EYS: variants seen among roughly 807,000 people sequenced by gnomAD.
EYS encodes the protein protein eyes shut homolog.
Under a neutral mutation model 282.1 loss-of-function variants are expected in EYS, and 250 were observed. That is an observed-to-expected ratio of 0.89 (90% CI 0.80 to 0.98). The LOEUF (loss-of-function observed/expected upper bound fraction) is 0.98. EYS is among the 50% of genes least tolerant of loss of function. The probability of loss-of-function intolerance (pLI) is 0.00; values close to 1 mark genes in which losing one functional copy is unlikely to be tolerated. For synonymous variants in EYS, 1,355 were observed against 1,282.9 expected, an observed-to-expected ratio of 1.06 and a Z score of -1.20; for missense variants, 4,016 against 3,709.0, an observed-to-expected ratio of 1.08 and a Z score of -2.15.
chr6:63,757,740 G>A (rs947736301), intron 41 of EYS, among the ~76,000 whole-genome samples: 5 of 152,150 alleles, frequency 3.3e-5, no homozygotes, highest in Non-Finnish European at 5.9e-5. Context: ...AAGAACCTAC[G>A]TTGAAATATT....
intron 26 of EYS, among the ~76,000 whole-genome samples, chr6:64,521,023 C>T (rs1777717849): frequency 6.6e-6 from 1 of 151,766 alleles, no homozygotes. Context: ...GACCCTCATC[C>T]AGCAATGCGG....
chr6:64,278,619 G>T (rs769187776), intron 30 of EYS, among the ~76,000 whole-genome samples: 7 of 151,858 alleles, frequency 4.6e-5, no homozygotes, highest in Non-Finnish European at 8.8e-5. Flanking sequence ...TGATAATTTG[G>T]GATACCAAAA....
intron 2 of EYS, among the ~76,000 whole-genome samples, chr6:65,532,272 A>G (rs1204159614): frequency 6.6e-6 from 1 of 152,116 alleles, no homozygotes; most frequent in African/African-American, 2.4e-5. Flanking sequence ...AAGAAAGTCT[A>G]TATTTACTCT....
intron 2 of EYS, among the ~76,000 whole-genome samples, chr6:65,517,503 T>A (rs1451745095): frequency 6.6e-6 from 1 of 152,038 alleles, no homozygotes; most frequent in African/African-American, 2.4e-5. Context: ...ACTTACGTAT[T>A]ATGTAAAGTG....
chr6:65,667,329 CT>C, intron 1 of EYS, among the ~76,000 whole-genome samples: 1 of 151,914 alleles, frequency 6.6e-6, no homozygotes, highest in African/African-American at 2.4e-5. Flanking sequence ...TAATCTGTTC[CT>C]TGCCTAATGC....
intron 13 of EYS, among the ~76,000 whole-genome samples, chr6:65,054,768 C>T (rs1017416912): frequency 1.1e-4 from 16 of 151,894 alleles, no homozygotes; most frequent in African/African-American, 2.7e-4. Context: ...TTCCATTGAA[C>T]GTGTTAATGT....
intron 5 of EYS, among the ~76,000 whole-genome samples, chr6:65,471,362 T>C (rs1398073478): frequency 6.6e-6 from 1 of 151,620 alleles, no homozygotes; most frequent in Non-Finnish European, 1.5e-5. Flanking sequence ...CATCACTGCA[T>C]TCTAGCCTGG....
intron 12 of EYS, among the ~76,000 whole-genome samples, chr6:65,144,769 C>A (rs1457705264): frequency 6.9e-6 from 1 of 144,810 alleles, no homozygotes; most frequent in Non-Finnish European, 1.5e-5. Context: ...AGTTTACTTA[C>A]TTTTTTTTTT....
At chr6:64,175,550 C>T (rs1764602407) in intron 31 of EYS, among the ~76,000 whole-genome samples, 2 of 152,194 alleles carry the variant, frequency 1.3e-5, no homozygotes, top group African/African-American at 4.8e-5. Flanking sequence ...AATTCATTCA[C>T]TGGCTTCTGT....
intron 12 of EYS, among the ~76,000 whole-genome samples, chr6:65,253,329 T>A (rs182170935): frequency 5.5e-4 from 84 of 152,090 alleles, no homozygotes; most frequent in African/African-American, 2.0e-3. Context: ...TCCAGATGAA[T>A]TATCCTGGTG....
intron 31 of EYS, among the ~76,000 whole-genome samples, chr6:64,093,550 CTGTT>C (rs1402505101): frequency 5.9e-5 from 9 of 152,100 alleles, no homozygotes; most frequent in Admixed American, 6.5e-5. Flanking sequence ...ATTTGGCTCT[CTGTT>C]TGTCTGTTGT....
intron 26 of EYS, among the ~76,000 whole-genome samples, chr6:64,449,349 G>A (rs13214689): frequency 0.28 from 42,103 of 151,944 alleles, 5,961 homozygotes; most frequent in East Asian, 0.46. Flanking sequence ...AGACATATGG[G>A]ACTACGTGAA....
chr6:65,695,465 C>A (rs1245025202), intron 1 of EYS, among the ~76,000 whole-genome samples: 1 of 151,872 alleles, frequency 6.6e-6, no homozygotes, highest in Non-Finnish European at 1.5e-5. Context: ...TGATATATAC[C>A]TCAGATCCAA....
chr6:65,289,864 C>A (rs1018657129), intron 12 of EYS, among the ~76,000 whole-genome samples: 1 of 150,796 alleles, frequency 6.6e-6, no homozygotes, highest in Non-Finnish European at 1.5e-5. Context: ...AAATTAAGAG[C>A]AAAAATATAC....
At chr6:64,291,242 A>T (rs1019143568) in intron 30 of EYS, among the ~76,000 whole-genome samples, 1 of 152,038 alleles carries the variant, frequency 6.6e-6, no homozygotes, top group Non-Finnish European at 1.5e-5. Context: ...AATAGTTTTA[A>T]CAGAGCTGTC....
intron 12 of EYS, among the ~76,000 whole-genome samples, chr6:65,166,281 A>G (rs1167570010): frequency 2.0e-5 from 3 of 151,154 alleles, no homozygotes; most frequent in Non-Finnish European, 4.4e-5. Context: ...CGTCCAAATA[A>G]TCTTGAAATA....
chr6:63,730,698 C>T (rs1009014488), intron 41 of EYS, among the ~76,000 whole-genome samples: 4 of 152,120 alleles, frequency 2.6e-5, no homozygotes, highest in Non-Finnish European at 4.4e-5. Flanking sequence ...TAACCACTGC[C>T]ATGTTGCCAT....
intron 19 of EYS, among the ~76,000 whole-genome samples, chr6:64,864,366 T>C (rs1039933381): frequency 7.5e-5 from 11 of 147,358 alleles, no homozygotes; most frequent in Non-Finnish European, 1.6e-4. Context: ...TTTTGAGAAA[T>C]ACAGAGGTGC....
intron 5 of EYS, among the ~76,000 whole-genome samples, chr6:65,452,481 C>T (rs939223848): frequency 1.3e-5 from 2 of 151,784 alleles, no homozygotes; most frequent in African/African-American, 4.8e-5. Flanking sequence ...TTATAGCTTG[C>T]AATGTATTAC....
Sources: gnomAD v4.1 joint callset for allele counts (sites outside exome capture counted in the v4.1 genomes callset) on GRCh38, gnomAD v4.1.1 for gene constraint, MANE v1.5 for transcripts, NCBI Gene and HGNC (gene_info 2026-07-23, HGNC 2026-07-21) for gene names.